Variants in CYP27A1 observed in about 807,000 individuals in gnomAD.
CYP27A1 encodes cytochrome P450 family 27 subfamily A member 1, also known as sterol 26-hydroxylase, mitochondrial.
A neutral mutation model predicts 58.2 loss-of-function variants in CYP27A1; 46 were observed. The observed-to-expected ratio is 0.79, with a 90% confidence interval of 0.62 to 1.01. CYP27A1 has a LOEUF of 1.01. Among genes scored for constraint, CYP27A1 ranks in the 50% least tolerant of loss-of-function variants. The pLI is 0.00. For synonymous variants in CYP27A1, 274 were observed against 285.1 expected, an observed-to-expected ratio of 0.96 and a Z score of 0.39; for missense variants, 704 against 687.0, an observed-to-expected ratio of 1.02 and a Z score of -0.28.
intron 2 of CYP27A1, 29 bp from the exon 3 acceptor site, chr2:218,812,193 C>G: frequency 6.3e-7 from 1 of 1,593,464 alleles, no homozygotes; most frequent in Non-Finnish European, 8.6e-7. Flanking sequence ...AGAGGCTTAT[C>G]TTTGTGCTGT....
Position 218,812,789 on chromosome 2 carries a change from G to T in CYP27A1, c.844+40G>T, listed in dbSNP as rs377638225. 8 of 1,609,672 alleles carry T rather than the reference G, an allele frequency of 5.0e-6. No homozygotes were observed. In the African/African-American group the frequency reaches 1.1e-4, roughly 22 times the overall value. Reference sequence around the variant, plus strand: ...ATGGGGCCCAGGGAAGAGAGATGGGGGTGACTCCAGGTCTGTGCATCAGCG... The same window carrying T: ...ATGGGGCCCAGGGAAGAGAGATGGGTGTGACTCCAGGTCTGTGCATCAGCG... On this transcript the variant is annotated intron_variant, in intron 4 of 8. Coordinates refer to ENST00000258415, the MANE Select transcript of CYP27A1 (RefSeq NM_000784.4).
In CYP27A1 at chr2:218,783,257, CAAAAAAAAAAA is replaced by C. The variant is rs371442397; in HGVS notation, c.255+829_255+839del. ...GGGCAACAAGAGCGAAACTCTGTCTCAAAAAAAAAAAAAAAAAAAGAAAAAAAGAAAAAAGA... is the reference window on the plus strand; with the variant it reads ...GGGCAACAAGAGCGAAACTCTGTCTCAAAAAAAAGAAAAAAAGAAAAAAGA... On this transcript the variant is annotated intron_variant, in intron 1 of 8. Coordinates refer to ENST00000258415, the MANE Select transcript of CYP27A1 (RefSeq NM_000784.4). Among the ~76,000 whole-genome samples, 4 of 79,536 alleles carry C rather than the reference CAAAAAAAAAAA, an allele frequency of 5.0e-5. No homozygotes were observed. The South Asian group carries it at 1.9e-3, about 37-fold the overall frequency. The allele number at this position is 79,536 out of a possible 152,430, so 52.2% of individuals were successfully genotyped here. A position where few individuals can be genotyped will look rare whatever the true frequency, so the allele number is the denominator to read the frequency against.
In CYP27A1 at chr2:218,782,186, G is replaced by A. The variant is rs1943396546; in HGVS notation, c.4G>A (p.Ala2Thr). The stretch of plus-strand genomic sequence containing the variant: ...TGCAGGCGCGCGAGCACAACCCATG[G>A]CTGCGCTGGGCTGCGCGAGGCTGAG... MAALGCARLRWA... is the reference protein window; with the variant it reads MTALGCARLRWA... The change falls in exon 1 of 9, where the codon GCT becomes ACT. Residue 2 changes from alanine to threonine, a missense_variant. By Grantham distance (58) the Ala-to-Thr change is moderately conservative. Coordinates refer to ENST00000258415, the MANE Select transcript of CYP27A1 (RefSeq NM_000784.4). The surrounding 1 kb of genome is among the most constrained non-coding windows in gnomAD (Gnocchi z 4.1). 6.5e-7 allele frequency: 1 copy of A among 1,536,356 alleles called. No homozygotes were observed. The highest frequency in any genetic ancestry group is 8.7e-7 in the Non-Finnish European group (1 of 1,145,956).
At chr2:218,810,972 C>T (rs1438949575) in intron 2 of CYP27A1, among the ~76,000 whole-genome samples, 2 of 151,928 alleles carry the variant, frequency 1.3e-5, no homozygotes, top group Non-Finnish European at 2.9e-5. Context: ...ACGGTGAAAC[C>T]CCGACTCTAC....
At chr2:218,798,507 C>A (rs1943567862) in intron 1 of CYP27A1, among the ~76,000 whole-genome samples, 1 of 152,126 alleles carries the variant, frequency 6.6e-6, no homozygotes, top group Non-Finnish European at 1.5e-5. Flanking sequence ...TGGTTAATTC[C>A]ATATGTCCCA....
intron 5 of CYP27A1, 46 bp from the exon 6 acceptor site, chr2:218,813,975 C>T: frequency 6.2e-7 from 1 of 1,612,528 alleles, no homozygotes; most frequent in South Asian, 1.1e-5. Context: ...TTACTGGCCT[C>T]TTTCCTAGAA....
Position 218,784,320 on chromosome 2 carries a change from G to A in CYP27A1, c.255+1883G>A, listed in dbSNP as rs73990970. Reference sequence around the variant, plus strand: ...GAGCCTTAAGGGAATGTGATTATGTGATTATGGCACTCAAGTCACATAAGC... The same window carrying A: ...GAGCCTTAAGGGAATGTGATTATGTAATTATGGCACTCAAGTCACATAAGC... On this transcript the variant is annotated intron_variant, in intron 1 of 8. Coordinates refer to ENST00000258415, the MANE Select transcript of CYP27A1 (RefSeq NM_000784.4). 3.4e-3 allele frequency among the ~76,000 whole-genome samples: 521 copies of A among 152,314 alleles called. 2 individuals are homozygous for A. Among genetic ancestry groups the A allele is most frequent in the African/African-American group, 0.012 (506 of 41,566 alleles).
At chr2:218,803,484 A>T (rs1033040699) in intron 1 of CYP27A1, among the ~76,000 whole-genome samples, 1 of 152,016 alleles carries the variant, frequency 6.6e-6, no homozygotes, top group African/African-American at 2.4e-5. Context: ...GGAGTGCAGT[A>T]GTGCGATCTT....
intron 1 of CYP27A1, among the ~76,000 whole-genome samples, chr2:218,788,903 A>G (rs1943465538): frequency 6.6e-6 from 1 of 152,172 alleles, no homozygotes; most frequent in African/African-American, 2.4e-5. Context: ...CCTTGACTGG[A>G]CTTAAGTGTT....
In CYP27A1 at chr2:218,782,474, T is replaced by C. The variant is rs779095207; in HGVS notation, c.255+37T>C. On this transcript the variant is annotated intron_variant, in intron 1 of 8. Transcript: ENST00000258415. The surrounding 1 kb of genome is among the most constrained non-coding windows in gnomAD (Gnocchi z 4.1). ...GGGCATCGCGTCCTGGGGATGGGAGTGGGCACCGGAACAGAGAGGCTAGAG... is the reference window on the plus strand; with the variant it reads ...GGGCATCGCGTCCTGGGGATGGGAGCGGGCACCGGAACAGAGAGGCTAGAG... 56 of 1,613,356 alleles carry C rather than the reference T, an allele frequency of 3.5e-5. No individual in the cohort carries two copies. Among genetic ancestry groups the C allele is most frequent in the Non-Finnish European group, 4.7e-5 (56 of 1,179,772 alleles).
chr2:218,808,344 G>A (rs895992663), intron 1 of CYP27A1, among the ~76,000 whole-genome samples: 1 of 152,182 alleles, frequency 6.6e-6, no homozygotes, highest in African/African-American at 2.4e-5. Context: ...GGATGTTAGG[G>A]GTTTGTCAAG....
In CYP27A1 at chr2:218,809,700, C is replaced by G. The variant is rs201114717; in HGVS notation, c.379C>G (p.Arg127Gly). 1 of 1,614,126 alleles carries G rather than the reference C, an allele frequency of 6.2e-7. No individual in the cohort carries two copies. Among genetic ancestry groups the G allele is most frequent in the South Asian group, 1.1e-5 (1 of 91,086 alleles). ...VMRQEGKYPV[R>G]NDMELWKEHR... ...GCGGCAAGAGGGCAAGTACCCAGTA[C>G]GGAACGACATGGAGCTATGGAAGGA... The change falls in exon 2 of 9, where the codon CGG (arginine) becomes GGG (glycine). Residue 127 changes from arginine to glycine, a missense_variant. Physicochemically the swap from Arg to Gly is moderately radical, Grantham distance 125. Coordinates refer to ENST00000258415, the MANE Select transcript of CYP27A1 (RefSeq NM_000784.4).
chr2:218,809,604 A>G lies in CYP27A1; in HGVS notation c.283A>G (p.Met95Val), dbSNP rs372772968. 117 of 1,613,986 alleles carry G rather than the reference A, an allele frequency of 7.2e-5. No individual in the cohort carries two copies. The highest frequency in any genetic ancestry group is 9.4e-5 in the Non-Finnish European group (111 of 1,180,020). ...QVLYKAKYGP[M>V]WMSYLGPQMH... ...GCTTTACAAGGCCAAGTACGGTCCA[A>G]TGTGGATGTCCTACTTAGGGCCTCA... The change falls in exon 2 of 9, where the codon ATG becomes GTG. Residue 95 changes from methionine (M) to valine (V), a missense_variant. Physicochemically the swap from Met to Val is conservative, Grantham distance 21. Coordinates refer to ENST00000258415, the MANE Select transcript of CYP27A1 (RefSeq NM_000784.4).
At chr2:218,808,555 TTC>T (rs1310644171) in intron 1 of CYP27A1, among the ~76,000 whole-genome samples, 1 of 152,200 alleles carries the variant, frequency 6.6e-6, no homozygotes, top group Non-Finnish European at 1.5e-5. Flanking sequence ...AATGATAGAT[TTC>T]ATCTCCACAA....
intron 1 of CYP27A1, among the ~76,000 whole-genome samples, chr2:218,789,765 T>C (rs1404607259): frequency 6.6e-6 from 1 of 152,238 alleles, no homozygotes; most frequent in African/African-American, 2.4e-5. Context: ...ACTTTACTCA[T>C]TGATGTCATT....
intron 1 of CYP27A1, among the ~76,000 whole-genome samples, chr2:218,789,186 C>T (rs779144126): frequency 6.6e-6 from 1 of 152,144 alleles, no homozygotes; most frequent in African/African-American, 2.4e-5. Flanking sequence ...ATTTAAATGT[C>T]CCATAGTAGG....
rs1019942078 is a variant in CYP27A1 at position 218,782,497 on chromosome 2, G to T, written c.255+60G>T. ...AGTGGGCACCGGAACAGAGAGGCTAGAGGTGAGAAGACGTTGGACAGAAAG... is the reference window on the plus strand; with the variant it reads ...AGTGGGCACCGGAACAGAGAGGCTATAGGTGAGAAGACGTTGGACAGAAAG... On this transcript the variant is annotated intron_variant, in intron 1 of 8. Coordinates refer to ENST00000258415, the MANE Select transcript of CYP27A1 (RefSeq NM_000784.4). This position sits in a 1 kb window ranked among gnomAD's most constrained non-coding sequence, Gnocchi z 4.1. 4 of 1,606,002 alleles carry T rather than the reference G, an allele frequency of 2.5e-6. No homozygotes were observed. The African/African-American group carries it at 5.3e-5, about 21-fold the overall frequency.
At chr2:218,792,151 A>G (rs996374280) in intron 1 of CYP27A1, among the ~76,000 whole-genome samples, 1 of 152,214 alleles carries the variant, frequency 6.6e-6, no homozygotes, top group Non-Finnish European at 1.5e-5. Context: ...AATAAAAAAA[A>G]GCTTTAAGGA....
At chr2:218,811,398 T>C (rs970185989) in intron 2 of CYP27A1, among the ~76,000 whole-genome samples, 6 of 152,152 alleles carry the variant, frequency 3.9e-5, no homozygotes, top group African/African-American at 1.4e-4. Flanking sequence ...GCTAGCCTTT[T>C]AAAAAAATGG....
Sources: allele counts gnomAD v4.1 joint callset (sites outside exome capture counted in the v4.1 genomes callset), GRCh38; gene constraint gnomAD v4.1.1; non-coding constraint Gnocchi (gnomAD v3.1); transcripts MANE v1.5; gene names NCBI Gene and HGNC (gene_info 2026-07-23, HGNC 2026-07-21).